Variants in SPEF2 observed in about 807,000 individuals in gnomAD.
The protein encoded by SPEF2 is sperm flagella and cilia-associated protein 2.
SPEF2 carries 187 observed loss-of-function variants against 224.6 expected under a neutral mutation model. That is an observed-to-expected ratio of 0.83 (90% CI 0.74 to 0.94). The LOEUF is 0.94. SPEF2 is among the 40% of genes least tolerant of loss of function. SPEF2 has a pLI of 0.00. For synonymous variants in SPEF2, 715 were observed against 707.3 expected (o/e 1.01, Z -0.17); for missense variants, 2,170 against 2,135.6 (o/e 1.02, Z -0.32).
intron 2 of SPEF2, among the ~76,000 whole-genome samples, chr5:35,639,931 T>C (rs1461235062): frequency 6.6e-6 from 1 of 152,138 alleles, no homozygotes; most frequent in African/African-American, 2.4e-5. Flanking sequence ...ACCCATGCTT[T>C]AACAAGAGTA....
chr5:35,802,146 C>G (rs1003474691), intron 34 of SPEF2, among the ~76,000 whole-genome samples: 1 of 152,166 alleles, frequency 6.6e-6, no homozygotes, highest in Non-Finnish European at 1.5e-5. Flanking sequence ...GATGCCCTCT[C>G]CTTTCCTGCC....
chr5:35,634,195 A>G (rs1433645137), intron 2 of SPEF2, among the ~76,000 whole-genome samples: 1 of 152,052 alleles, frequency 6.6e-6, no homozygotes, highest in Non-Finnish European at 1.5e-5. Context: ...AGTATTTCTT[A>G]TAGGGCAGCT....
At chr5:35,697,841 T>G in intron 15 of SPEF2, 48 bp downstream of exon 15, 1 of 1,359,324 alleles carries the variant, frequency 7.4e-7, no homozygotes, top group Non-Finnish European at 1.0e-6. Context: ...ATATTCTTTA[T>G]CACACAAAGA....
In SPEF2 at chr5:35,659,076, C is replaced by G. The variant is rs573848490; in HGVS notation, c.1036C>G (p.Arg346Gly). ...NRLMRQSQQERRIAVQLMHVR... is the reference protein window; with the variant it reads ...NRLMRQSQQEGRIAVQLMHVR... ...GCTGATGCGGCAGTCCCAGCAGGAG[C>G]GCAGGATTGCCGTGCAGCTCATGCA... Residue 346 changes from arginine to glycine, a missense_variant, in exon 8 of 37, where the codon CGC becomes GGC. Coordinates refer to ENST00000356031, the MANE Select transcript of SPEF2 (RefSeq NM_024867.4). 6.2e-6 allele frequency: 10 copies of G among 1,609,466 alleles called. No homozygotes were observed. The African/African-American group carries it at 1.1e-4, about 17-fold the overall frequency.
At chr5:35,766,026 TTGTTAA>T in intron 26 of SPEF2, among the ~76,000 whole-genome samples, 1 of 152,246 alleles carries the variant, frequency 6.6e-6, no homozygotes, top group East Asian at 1.9e-4. Flanking sequence ...TGGGTTTGTT[TTGTTAA>T]TACTTTGTTT....
In SPEF2 at chr5:35,765,288, T is replaced by G. The variant is rs147998164; in HGVS notation, c.3801+1586T>G. Reference sequence around the variant, plus strand: ...TCTTATGTTGTTCATTTTTTGTTGCTGTATTGTGTTGCATTATATGAATGT... The same window carrying G: ...TCTTATGTTGTTCATTTTTTGTTGCGGTATTGTGTTGCATTATATGAATGT... On this transcript the variant is annotated intron_variant, in intron 26 of 36. Coordinates refer to ENST00000356031, the MANE Select transcript of SPEF2 (RefSeq NM_024867.4). Among the ~76,000 whole-genome samples the G allele has an allele frequency of 8.5e-3, 1,292 of 152,342 alleles. 16 individuals carry two copies. Among genetic ancestry groups the G allele is most frequent in the African/African-American group, 0.03 (1,231 of 41,578 alleles).
intron 19 of SPEF2, chr5:35,710,143 C>CTGTGCATTGAAGA: frequency 1.0e-6 from 1 of 985,158 alleles, no homozygotes; most frequent in Non-Finnish European, 1.2e-6. Flanking sequence ...TTTATCATGT[C>CTGTGCATTGAAGA]AACAATAAAA....
chr5:35,812,886 T>C (rs539684409), intron 36 of SPEF2, among the ~76,000 whole-genome samples: 26 of 152,370 alleles, frequency 1.7e-4, no homozygotes, highest in African/African-American at 5.8e-4. Flanking sequence ...TTCTCTAAGC[T>C]TCTCCTTTAT....
intron 19 of SPEF2, chr5:35,710,640 T>C: frequency 2.0e-6 from 2 of 985,236 alleles, no homozygotes; most frequent in Non-Finnish European, 2.4e-6. Flanking sequence ...TATCGTCCTT[T>C]AACCTATAGC....
chr5:35,686,877 CAT>C (rs964721112), intron 10 of SPEF2, among the ~76,000 whole-genome samples: 4 of 151,834 alleles, frequency 2.6e-5, no homozygotes, highest in African/African-American at 9.7e-5. Context: ...TGTATATACA[CAT>C]ATATATATTG....
At position 35,626,826 on chromosome 5, in the gene SPEF2, A is replaced by G. The variant is rs1261243079; in HGVS notation, c.59-1634A>G. The stretch of plus-strand genomic sequence containing the variant: ...CTGTGTTCTGGTATCAGACATGCAA[A>G]AAGTATTATGATAGGGTGTAATCTT... On this transcript the variant is annotated intron_variant, in intron 1 of 36. Transcript: ENST00000356031. Among the ~76,000 whole-genome samples, 4 of 152,158 alleles carry G rather than the reference A, an allele frequency of 2.6e-5. No individual in the cohort carries two copies. The East Asian group carries it at 7.7e-4, about 29-fold the overall frequency.
chr5:35,718,551 G>A (rs1399169790), intron 20 of SPEF2, among the ~76,000 whole-genome samples: 1 of 152,108 alleles, frequency 6.6e-6, no homozygotes, highest in Non-Finnish European at 1.5e-5. Context: ...TTGCATCTGA[G>A]CGATTTTGGC....
At chr5:35,726,941 A>G (rs1339380817) in intron 20 of SPEF2, among the ~76,000 whole-genome samples, 1 of 151,886 alleles carries the variant, frequency 6.6e-6, no homozygotes, top group Admixed American at 6.6e-5. Flanking sequence ...CGGATTCTGA[A>G]TTGAAAATTA....
Position 35,806,952 on chromosome 5 carries a change from G to T in SPEF2, c.5256G>T (p.Glu1752Asp). 1 of 1,590,010 alleles carries T rather than the reference G, an allele frequency of 6.3e-7. No individual in the cohort carries two copies. The highest frequency in any genetic ancestry group is 1.4e-5 in the African/African-American group (1 of 73,558). Residue 1752 changes from glutamate to aspartate, a missense_variant and splice_region_variant, in exon 35 of 37, where the codon GAG (glutamate) becomes GAT (aspartate). Transcript: ENST00000356031. Reference protein sequence around the residue: ...SHLKIENIYAEGFIKTFQDLG... With the variant: ...SHLKIENIYADGFIKTFQDLG... ...TAAAGATAGAGAACATTTATGCAGA[G>T]GTTGGTTAAATTATTTTGAAAAAAG...
chr5:35,641,744 A>G, intron 3 of SPEF2, 61 bp downstream of exon 3: 1 of 1,536,568 alleles, frequency 6.5e-7, no homozygotes, highest in Non-Finnish European at 8.8e-7. Context: ...AAGAGAAATG[A>G]CAATGATATT....
chr5:35,621,319 A>G (rs1743479872), intron 1 of SPEF2, among the ~76,000 whole-genome samples: 2 of 152,152 alleles, frequency 1.3e-5, no homozygotes, highest in African/African-American at 2.4e-5. Flanking sequence ...AGCCCTTTAC[A>G]TAGATTTTCT....
rs1747431205 is a variant in SPEF2 at position 35,646,781 on chromosome 5, A to G, written c.700A>G (p.Met234Val). Residue 234 changes from methionine to valine, a missense_variant, in exon 5 of 37, where the codon ATG becomes GTG. Met to Val is a conservative substitution (Grantham distance 21, BLOSUM62 1). Transcript: ENST00000356031. ...TTTGAAAGCACTCGAGGCCCAAAAA[A>G]TGATGAAAAAGAAAAAAGAGGCAGA... Reference protein sequence around the residue: ...RTLKALEAQKMMKKKKEAEDV... With the variant: ...RTLKALEAQKVMKKKKEAEDV... 1 of 1,613,830 alleles carries G rather than the reference A, an allele frequency of 6.2e-7. No individual in the cohort carries two copies. Among genetic ancestry groups the G allele is most frequent in the South Asian group, 1.1e-5 (1 of 91,068 alleles).
At chr5:35,640,499 AT>A (rs1319360482) in intron 2 of SPEF2, among the ~76,000 whole-genome samples, 1 of 152,174 alleles carries the variant, frequency 6.6e-6, no homozygotes, top group East Asian at 1.9e-4. Context: ...TACCTGAGTC[AT>A]TTTAGACAAA....
At chr5:35,640,887 C>T (rs911811483) in intron 2 of SPEF2, among the ~76,000 whole-genome samples, 5 of 152,120 alleles carry the variant, frequency 3.3e-5, no homozygotes, top group African/African-American at 1.2e-4. Context: ...TTAGAAATCA[C>T]TCTTATATTT....
Sources: gnomAD v4.1 joint callset for allele counts (sites outside exome capture counted in the v4.1 genomes callset) on GRCh38, gnomAD v4.1.1 for gene constraint, MANE v1.5 for transcripts, NCBI Gene and HGNC (gene_info 2026-07-23, HGNC 2026-07-21) for gene names.